MGAT4C: variants seen among roughly 807,000 people sequenced by gnomAD.
The protein encoded by MGAT4C is alpha-1,3-mannosyl-glycoprotein 4-beta-N-acetylglucosaminyltransferase C.
MGAT4C carries 19 observed loss-of-function variants against 40.1 expected under a neutral mutation model. The observed-to-expected ratio is 0.47, with a 90% CI of 0.33 to 0.70. The LOEUF is 0.70. Among genes scored for constraint, MGAT4C ranks in the 30% least tolerant of loss-of-function variants. The probability of loss-of-function intolerance (pLI) is 0.02; values close to 1 mark genes in which losing one functional copy is unlikely to be tolerated. For synonymous variants in MGAT4C, 181 were observed against 187.1 expected (o/e 0.97, Z 0.27); for missense variants, 491 against 563.2 (o/e 0.87, Z 1.30).
rs78431175 is a variant in MGAT4C at position 85,973,411 on chromosome 12, C to G, written c.*5878G>C. The G allele has an allele frequency of 3.3e-5, 5 of 150,890 alleles. No individual in the cohort carries two copies. The highest frequency in any genetic ancestry group is 1.2e-4 in the African/African-American group (5 of 41,442). 9.3% of individuals were successfully genotyped at this position (150,890 alleles called of 1,614,324 possible). ...TTGTGGTTAAAGCTGTAGTAACTTA[C>G]AGTACATTGAAATTATAGACTAAGG... On this transcript the variant is annotated 3_prime_UTR_variant, in exon 5 of 5. Transcript: ENST00000611864.
At chr12:86,353,869 G>A (rs746152633) in intron 3 of MGAT4C, among the ~76,000 whole-genome samples, 6 of 152,030 alleles carry the variant, frequency 3.9e-5, no homozygotes, top group African/African-American at 7.2e-5. Flanking sequence ...GTGCACGAGC[G>A]TAATGAGGCA....
intron 1 of MGAT4C, among the ~76,000 whole-genome samples, chr12:86,110,629 C>T (rs1412739317): frequency 3.3e-5 from 5 of 151,046 alleles, no homozygotes; most frequent in African/African-American, 7.3e-5. Flanking sequence ...GCCTTATAGT[C>T]GATTTCTTCA....
At chr12:86,580,594 GCTTAAA>G (rs1187472913) in intron 2 of MGAT4C, among the ~76,000 whole-genome samples, 1 of 151,394 alleles carries the variant, frequency 6.6e-6, no homozygotes, top group Non-Finnish European at 1.5e-5. Context: ...AGTCACACAG[GCTTAAA>G]CTTAAATTCA....
intron 2 of MGAT4C, among the ~76,000 whole-genome samples, chr12:86,440,992 G>A (rs182839777): frequency 8.5e-5 from 13 of 152,184 alleles, no homozygotes; most frequent in South Asian, 4.2e-4. Context: ...AAATACATCC[G>A]ATGCTCATGG....
In MGAT4C at chr12:86,121,888, T is replaced by G. The variant is rs76916058; in HGVS notation, c.-56-72165A>C. On this transcript the variant is annotated intron_variant, in intron 1 of 4. Transcript: ENST00000611864. ...GCTTCCATAGCTTTGGAATAGATTT[T>G]CCCCCAAGGGTTATACAAATGATTA... is the stretch of plus-strand genomic sequence containing the variant. Among the ~76,000 whole-genome samples the G allele has an allele frequency of 1.1e-3, 174 of 152,184 alleles. 1 individual carries two copies. The highest frequency in any genetic ancestry group is 2.0e-3 in the Non-Finnish European group (139 of 68,002).
chr12:86,335,545 C>T (rs919647659), intron 3 of MGAT4C, among the ~76,000 whole-genome samples: 1 of 152,004 alleles, frequency 6.6e-6, no homozygotes. Flanking sequence ...GTTCCAGGAA[C>T]CTCACAGATA....
rs946971939 is a variant in MGAT4C at position 85,961,257 on chromosome 12, T to A, written c.*18032A>T. The A allele has an allele frequency of 1.3e-5, 2 of 151,888 alleles. No individual in the cohort carries two copies. Among genetic ancestry groups the A allele is most frequent in the Non-Finnish European group, 2.9e-5 (2 of 67,838 alleles). 9.4% of individuals were successfully genotyped at this position (151,888 alleles called of 1,614,324 possible). A position where few individuals can be genotyped will look rare whatever the true frequency, so the allele number is the denominator to read the frequency against. On this transcript the variant is annotated 3_prime_UTR_variant, in exon 5 of 5. Transcript: ENST00000611864. Reference sequence around the variant, plus strand: ...GTTTAGCAGCCTCGAAACACTGAACTTTTTACAGTCTTATTGGAGAGAAAA... The same window carrying A: ...GTTTAGCAGCCTCGAAACACTGAACATTTTACAGTCTTATTGGAGAGAAAA...
chr12:86,816,677 G>A (rs2136222514), intron 1 of MGAT4C, among the ~76,000 whole-genome samples: 1 of 151,636 alleles, frequency 6.6e-6, no homozygotes, highest in East Asian at 1.9e-4. Flanking sequence ...TAGAACAACA[G>A]TGGGTTTTGT....
chr12:86,614,319 T>C (rs1363173254), intron 2 of MGAT4C, among the ~76,000 whole-genome samples: 1 of 152,152 alleles, frequency 6.6e-6, no homozygotes, highest in Non-Finnish European at 1.5e-5. Flanking sequence ...GCATGACATT[T>C]GTTTCAATAG....
At chr12:86,383,742 G>A (rs1057248729) in intron 3 of MGAT4C, among the ~76,000 whole-genome samples, 1 of 151,994 alleles carries the variant, frequency 6.6e-6, no homozygotes, top group Non-Finnish European at 1.5e-5. Context: ...AGGCTGATAG[G>A]CAGAATTGAC....
chr12:86,245,336 C>A (rs1443154961), intron 1 of MGAT4C, among the ~76,000 whole-genome samples: 1 of 152,172 alleles, frequency 6.6e-6, no homozygotes, highest in Admixed American at 6.6e-5. Context: ...TAAGGTTCTG[C>A]CCTTCTAGGC....
At chr12:86,471,681 C>T (rs1957759982) in intron 2 of MGAT4C, among the ~76,000 whole-genome samples, 1 of 151,954 alleles carries the variant, frequency 6.6e-6, no homozygotes, top group Non-Finnish European at 1.5e-5. Context: ...ATGGAGTAAG[C>T]CACAGAGTAG....
intron 2 of MGAT4C, among the ~76,000 whole-genome samples, chr12:86,710,823 G>T (rs920428970): frequency 6.6e-6 from 1 of 152,086 alleles, no homozygotes; most frequent in African/African-American, 2.4e-5. Context: ...AGAACATGTG[G>T]TATATATACA....
At chr12:86,590,499 C>T (rs1208558512) in intron 2 of MGAT4C, among the ~76,000 whole-genome samples, 1 of 151,934 alleles carries the variant, frequency 6.6e-6, no homozygotes, top group Non-Finnish European at 1.5e-5. Flanking sequence ...CAAAATGAGC[C>T]TATGGCAGTC....
chr12:86,797,214 C>T (rs971437434), intron 1 of MGAT4C, among the ~76,000 whole-genome samples: 4 of 151,674 alleles, frequency 2.6e-5, no homozygotes, highest in Non-Finnish European at 5.9e-5. Flanking sequence ...TGTTTATTGC[C>T]TTCTCTCCAG....
At position 85,994,139 on chromosome 12, in the gene MGAT4C, CT is replaced by C. The variant is rs550975680; in HGVS notation, c.-6-4588del. 2.0e-3 allele frequency among the ~76,000 whole-genome samples: 310 copies of C among 152,344 alleles called. 1 individual carries two copies. The highest frequency in any genetic ancestry group is 3.4e-3 in the Middle Eastern group (1 of 294). On this transcript the variant is annotated intron_variant, in intron 2 of 4. Coordinates refer to ENST00000611864, the MANE Select transcript of MGAT4C (RefSeq NM_001351288.2). The stretch of plus-strand genomic sequence containing the variant: ...TGATGGGCCACTGCTACCATTAGTT[CT>C]GTCTACAATAATTTGAAGTAGAATA...
intron 1 of MGAT4C, among the ~76,000 whole-genome samples, chr12:86,744,379 G>A (rs978652543): frequency 1.3e-5 from 2 of 151,504 alleles, no homozygotes; most frequent in Non-Finnish European, 1.5e-5. Flanking sequence ...AAGAATAAAC[G>A]GGAAACCTAG....
chr12:85,997,032 C>G (rs1230902604), intron 2 of MGAT4C, among the ~76,000 whole-genome samples: 2 of 152,120 alleles, frequency 1.3e-5, no homozygotes, highest in African/African-American at 2.4e-5. Context: ...AAGATATACC[C>G]AAGACAGGGC....
At chr12:86,568,061 G>T (rs1960207540) in intron 2 of MGAT4C, among the ~76,000 whole-genome samples, 1 of 152,064 alleles carries the variant, frequency 6.6e-6, no homozygotes, top group South Asian at 2.1e-4. Flanking sequence ...GTTGACAAGG[G>T]GTGGACTTGT....
Sources: allele counts gnomAD v4.1 joint callset (sites outside exome capture counted in the v4.1 genomes callset), GRCh38; gene constraint gnomAD v4.1.1; transcripts MANE v1.5; gene names NCBI Gene and HGNC (gene_info 2026-07-23, HGNC 2026-07-21).